The following KANSL1 variants were observed in gnomAD, a reference collection of about 807,000 sequenced individuals.
KANSL1 encodes KAT8 regulatory NSL complex subunit 1, also known as MLL1/MLL complex subunit KANSL1.
A neutral mutation model predicts 103.6 loss-of-function variants in KANSL1; 22 were observed. The observed-to-expected ratio is 0.21, with a 90% CI of 0.15 to 0.30. The LOEUF (loss-of-function observed/expected upper bound fraction) is 0.30. Among genes scored for constraint, KANSL1 ranks in the 10% least tolerant of loss-of-function variants. The pLI is 1.00. For missense variants in KANSL1, 1,337 were observed against 1,399.8 expected (o/e 0.96, Z 0.72); for synonymous variants, 600 against 527.6 (o/e 1.14, Z -1.88).
chr17:46,142,016 G>T (rs2044446726), intron 2 of KANSL1, among the ~76,000 whole-genome samples: 1 of 152,164 alleles, frequency 6.6e-6, no homozygotes, highest in Admixed American at 6.5e-5. Context: ...AGCCTCCCGA[G>T]CAGCTGGGAT....
chr17:46,176,406 T>C (rs2046521128), intron 1 of KANSL1, among the ~76,000 whole-genome samples: 2 of 152,230 alleles, frequency 1.3e-5, no homozygotes, highest in South Asian at 4.1e-4. Flanking sequence ...TCCCATCTAC[T>C]CCAGCTGGGC....
At chr17:46,108,962 T>A (rs1368976776) in intron 2 of KANSL1, among the ~76,000 whole-genome samples, 4 of 152,208 alleles carry the variant, frequency 2.6e-5, no homozygotes, top group Admixed American at 1.3e-4. Context: ...GCTCTTCTTT[T>A]TTTGGAGATA....
intron 6 of KANSL1, among the ~76,000 whole-genome samples, chr17:46,053,605 TG>T (rs1421539746): frequency 2.6e-5 from 4 of 151,988 alleles, no homozygotes; most frequent in South Asian, 4.2e-4. Context: ...CTAATATTTT[TG>T]TATTTTTTTA....
chr17:46,077,291 G>C (rs897397753), intron 4 of KANSL1, among the ~76,000 whole-genome samples: 1 of 152,168 alleles, frequency 6.6e-6, no homozygotes, highest in African/African-American at 2.4e-5. Context: ...AGGCTCAAGC[G>C]ACCCGCCCAC....
In KANSL1 at chr17:46,105,939, ACACACACACC is replaced by A. The variant is rs758334453; in HGVS notation, c.1290-11248_1290-11239del. Among the ~76,000 whole-genome samples, 397 of 77,148 alleles carry A rather than the reference ACACACACACC, an allele frequency of 5.1e-3. 2 individuals are homozygous for A. Among genetic ancestry groups the A allele is most frequent in the Middle Eastern group, 0.012 (2 of 168 alleles). 50.6% of individuals were successfully genotyped at this position (77,148 alleles called of 152,430 possible). On this transcript the variant is annotated intron_variant, in intron 2 of 14. Coordinates refer to ENST00000432791, the MANE Select transcript of KANSL1 (RefSeq NM_015443.4). The stretch of plus-strand genomic sequence containing the variant: ...CACACACACACACACACACACACAC[ACACACACACC>A]CCCCCAGAAGGGTGAAGGAGCAGAA...
chr17:46,155,222 A>G (rs2147539750), intron 2 of KANSL1, among the ~76,000 whole-genome samples: 1 of 129,968 alleles, frequency 7.7e-6, no homozygotes, highest in African/African-American at 3.1e-5. Context: ...TAGTGTTGCC[A>G]TCTCGGCTCA....
chr17:46,040,625 A>G (rs1275939291), intron 7 of KANSL1: 1 of 152,224 alleles, frequency 6.6e-6, no homozygotes, highest in Non-Finnish European at 1.5e-5. Flanking sequence ...TATATTTAAG[A>G]GGGAATCGGA....
At chr17:46,167,728 G>A (rs1355800115) in intron 2 of KANSL1, among the ~76,000 whole-genome samples, 2 of 152,210 alleles carry the variant, frequency 1.3e-5, no homozygotes, top group Non-Finnish European at 2.9e-5. Context: ...ATAGTTTACT[G>A]TCAAGCATAA....
At chr17:46,164,241 A>G (rs1404514306) in intron 2 of KANSL1, among the ~76,000 whole-genome samples, 1 of 152,268 alleles carries the variant, frequency 6.6e-6, no homozygotes, top group African/African-American at 2.4e-5. Flanking sequence ...AGAAAACACT[A>G]TAGCAACTAT....
intron 4 of KANSL1, among the ~76,000 whole-genome samples, chr17:46,079,589 C>T (rs1251569256): frequency 1.3e-5 from 2 of 152,172 alleles, no homozygotes; most frequent in Non-Finnish European, 2.9e-5. Context: ...AATCATATTC[C>T]TGCATTCTTC....
Position 46,205,380 on chromosome 17 carries a change from C to CA in KANSL1, c.-90+18290dup, listed in dbSNP as rs1190946435. On this transcript the variant is annotated intron_variant, in intron 1 of 14. Coordinates refer to the KANSL1 transcript ENST00000572904. ...TCCACTTACAATAGCATCCCCCCGC[C>CA]AAAAAAAAAAGACTTAGAAAGCCAA... is the stretch of plus-strand genomic sequence containing the variant. 2.3e-3 allele frequency among the ~76,000 whole-genome samples: 343 copies of CA among 147,034 alleles called. 1 individual carries two copies. The highest frequency in any genetic ancestry group is 7.6e-3 in the African/African-American group (305 of 39,934).
At chr17:46,160,671 G>A (rs2045686695) in intron 2 of KANSL1, among the ~76,000 whole-genome samples, 1 of 152,084 alleles carries the variant, frequency 6.6e-6, no homozygotes, top group East Asian at 1.9e-4. Flanking sequence ...GGATGTATCT[G>A]GTTAAGATAC....
At chr17:46,218,342 A>G (rs751698518) in intron 1 of KANSL1, among the ~76,000 whole-genome samples, 12 of 152,252 alleles carry the variant, frequency 7.9e-5, no homozygotes, top group Non-Finnish European at 1.6e-4. Context: ...TAATCCTTAT[A>G]AAGTCCACTC....
chr17:46,050,876 A>T (rs1184316532), intron 6 of KANSL1, among the ~76,000 whole-genome samples, 172 bp from the exon 7 acceptor site: 2 of 152,184 alleles, frequency 1.3e-5, no homozygotes, highest in African/African-American at 4.8e-5. Context: ...TTGTTAAAAG[A>T]TTTCCATTTG....
intron 1 of KANSL1, among the ~76,000 whole-genome samples, chr17:46,216,943 T>G (rs1175140949): frequency 6.6e-6 from 1 of 151,672 alleles, no homozygotes; most frequent in African/African-American, 2.4e-5. Flanking sequence ...CCATCTCTAC[T>G]AAAAATATTT....
In KANSL1 at chr17:46,030,358, G is replaced by A. The variant is rs988090327; in HGVS notation, c.*1118C>T. 1.3e-5 allele frequency: 2 copies of A among 151,126 alleles called. No individual in the cohort carries two copies. The highest frequency in any genetic ancestry group is 2.1e-4 in the South Asian group (1 of 4,800). The allele number at this position is 151,126 out of a possible 1,614,324, so 9.4% of individuals were successfully genotyped here. Reference sequence around the variant, plus strand: ...AAGCAGTTGTCTACTATTTTTATACGATTACAAAATGGCCAAAAAAAAAGA... The same window carrying A: ...AAGCAGTTGTCTACTATTTTTATACAATTACAAAATGGCCAAAAAAAAAGA... On this transcript the variant is annotated 3_prime_UTR_variant, in exon 15 of 15. Coordinates refer to ENST00000432791, the MANE Select transcript of KANSL1 (RefSeq NM_015443.4).
At chr17:46,189,610 T>C (rs944123104) in intron 1 of KANSL1, among the ~76,000 whole-genome samples, 3 of 152,212 alleles carry the variant, frequency 2.0e-5, no homozygotes, top group Non-Finnish European at 4.4e-5. Flanking sequence ...AGGCTAAGCG[T>C]AGTGGTTCAT....
At chr17:46,065,112 CTA>C (rs1410522518) in intron 6 of KANSL1, among the ~76,000 whole-genome samples, 1 of 145,854 alleles carries the variant, frequency 6.9e-6, no homozygotes, top group Non-Finnish European at 1.5e-5. Context: ...AGCAAATGGA[CTA>C]CACACGCTCG....
At position 46,033,442 on chromosome 17, in the gene KANSL1, A is replaced by C; in HGVS notation, c.2685T>G (p.Leu895=). ...ILTPSWREVD[L]QSLKGSPDEE... is the part of the protein sequence containing the mutation. ...CATCAGGACTCCCCTTCAGAGACTGAAGATCAACCTCCCGCCAGCTGCAAA... is the reference window on the plus strand; with the variant it reads ...CATCAGGACTCCCCTTCAGAGACTGCAGATCAACCTCCCGCCAGCTGCAAA... Residue 895 remains leucine, a synonymous_variant, in exon 12 of 15, where the codon CTT becomes CTG. Coordinates refer to ENST00000432791, the MANE Select transcript of KANSL1 (RefSeq NM_015443.4). 1 of 1,614,160 alleles carries C rather than the reference A, an allele frequency of 6.2e-7. No individual in the cohort carries two copies. Among genetic ancestry groups the C allele is most frequent in the Non-Finnish European group, 8.5e-7 (1 of 1,180,024 alleles).
Sources: gnomAD v4.1 joint callset for allele counts (sites outside exome capture counted in the v4.1 genomes callset) on GRCh38, gnomAD v4.1.1 for gene constraint, MANE v1.5 for transcripts, NCBI Gene and HGNC (gene_info 2026-07-23, HGNC 2026-07-21) for gene names.